SCML4: variants seen among roughly 807,000 people sequenced by gnomAD.
SCML4 encodes the protein sex comb on midleg-like protein 4.
Under a neutral mutation model 41.1 loss-of-function variants are expected in SCML4, and 34 were observed. That is an observed-to-expected ratio of 0.83 (90% CI 0.63 to 1.10). The LOEUF is 1.10. Ranked by LOEUF, SCML4 falls within the 50% of genes least tolerant of loss-of-function variation. SCML4 has a pLI of 0.00. For synonymous variants in SCML4, 214 were observed against 220.9 expected, an observed-to-expected ratio of 0.97 and a Z score of 0.28; for missense variants, 522 against 534.1, an observed-to-expected ratio of 0.98 and a Z score of 0.22.
chr6:107,782,731 T>A (rs1187180606), intron 1 of SCML4, among the ~76,000 whole-genome samples: 1 of 150,886 alleles, frequency 6.6e-6, no homozygotes, highest in South Asian at 2.1e-4. Context: ...CAGGTGCTGG[T>A]CTGAGTTTGC....
intron 1 of SCML4, among the ~76,000 whole-genome samples, chr6:107,779,890 T>C (rs1328293153): frequency 6.6e-6 from 1 of 152,230 alleles, no homozygotes; most frequent in Non-Finnish European, 1.5e-5. Context: ...CACTGGTCTC[T>C]CAACTCCTTT....
Position 107,756,662 on chromosome 6 carries a change from C to T in SCML4, c.157-6849G>A, listed in dbSNP as rs111714191. Among the ~76,000 whole-genome samples, 1,478 of 152,056 alleles carry T rather than the reference C, an allele frequency of 9.7e-3. 19 individuals carry two copies. Among genetic ancestry groups the T allele is most frequent in the African/African-American group, 0.033 (1,386 of 41,460 alleles). ...GGTTCACTAGTTGAGACAAACATAC[C>T]ACAGTAATATGAGATGTTAAAAATG... On this transcript the variant is annotated intron_variant, in intron 2 of 7. Coordinates refer to ENST00000369020, the MANE Select transcript of SCML4 (RefSeq NM_198081.5).
chr6:107,802,938 T>G (rs865829426), intron 1 of SCML4, among the ~76,000 whole-genome samples: 12 of 151,000 alleles, frequency 7.9e-5, no homozygotes, highest in East Asian at 2.0e-4. Flanking sequence ...TGGAGACGGG[T>G]TTTCGCTGTG....
intron 2 of SCML4, among the ~76,000 whole-genome samples, chr6:107,761,352 G>A (rs887545931): frequency 4.0e-5 from 6 of 151,566 alleles, no homozygotes; most frequent in African/African-American, 1.2e-4. Context: ...TAAAAATACA[G>A]ATTACTTTCC....
At chr6:107,763,835 T>C (rs754006823) in intron 2 of SCML4, among the ~76,000 whole-genome samples, 5 of 152,162 alleles carry the variant, frequency 3.3e-5, no homozygotes, top group Non-Finnish European at 7.4e-5. Flanking sequence ...CTTTAAATCC[T>C]CCAGAACGAT....
upstream of SCML4, among the ~76,000 whole-genome samples, chr6:107,825,302 G>C (rs1785208682): frequency 6.6e-6 from 1 of 152,146 alleles, no homozygotes; most frequent in Non-Finnish European, 1.5e-5. Flanking sequence ...ATTTAGCCGG[G>C]ACTAAATATC....
chr6:107,754,587 A>G (rs1418798561), intron 2 of SCML4, among the ~76,000 whole-genome samples: 2 of 152,244 alleles, frequency 1.3e-5, no homozygotes, highest in African/African-American at 2.4e-5. Flanking sequence ...TCACAAGCTT[A>G]AAGCCCTTAA....
At chr6:107,722,049 G>C (rs1057120936) in intron 5 of SCML4, among the ~76,000 whole-genome samples, 3 of 150,042 alleles carry the variant, frequency 2.0e-5, no homozygotes, top group African/African-American at 7.4e-5. Flanking sequence ...GAGTGCAGTG[G>C]TGCGATCTCG....
In SCML4 at chr6:107,772,183, G is replaced by A. The variant is rs1780574558; in HGVS notation, c.145C>T (p.Pro49Ser). The part of the protein sequence containing the change: ...VKIPKKRGRK[P>S]GYKIKSRVLM... ...TGATGGAGCCGTACCTTGTACCCGG[G>A]TTTCCGCCCTCTTTTCTTTGGGATC... Residue 49 changes from proline (P) to serine (S), a missense_variant, in exon 2 of 8, where the codon CCC becomes TCC. By Grantham distance (74) the Pro-to-Ser change is moderately conservative. Transcript: ENST00000369020. The A allele has an allele frequency of 1.3e-6, 2 of 1,550,392 alleles. No homozygotes were observed. The highest frequency in any genetic ancestry group is 1.2e-5 in the South Asian group (1 of 83,914).
intron 1 of SCML4, among the ~76,000 whole-genome samples, chr6:107,810,174 G>A (rs1352483963): frequency 6.6e-6 from 1 of 152,104 alleles, no homozygotes; most frequent in Non-Finnish European, 1.5e-5. Context: ...TGGCTATTAG[G>A]TAAGAAGTCC....
chr6:107,734,091 A>G (rs186249499), intron 5 of SCML4, among the ~76,000 whole-genome samples: 1 of 152,144 alleles, frequency 6.6e-6, no homozygotes, highest in Admixed American at 6.5e-5. Context: ...CTTTCAGAGG[A>G]TTCCTGGGGT....
the SCML4 span, among the ~76,000 whole-genome samples, chr6:107,845,352 C>T: frequency 0.011 from 1,733 of 152,298 alleles, 20 homozygotes; most frequent in Non-Finnish European, 0.013. Flanking sequence ...CCAGAGGCCC[C>T]GACCACCAGT....
intron 5 of SCML4, among the ~76,000 whole-genome samples, chr6:107,728,969 T>G (rs908723793): frequency 2.0e-5 from 3 of 152,192 alleles, no homozygotes; most frequent in African/African-American, 7.2e-5. Flanking sequence ...CACTTTTCTA[T>G]AGAGGGGTTC....
chr6:107,845,816 T>G, the SCML4 span, among the ~76,000 whole-genome samples: 1 of 152,196 alleles, frequency 6.6e-6, no homozygotes, highest in Non-Finnish European at 1.5e-5. Flanking sequence ...GGTATTACAT[T>G]TTTACCTCGT....
intron 2 of SCML4, among the ~76,000 whole-genome samples, chr6:107,764,957 G>T (rs1245197662): frequency 6.6e-6 from 1 of 152,090 alleles, no homozygotes; most frequent in Admixed American, 6.6e-5. Context: ...AGGCCTCCCT[G>T]GCCATGTGGA....
intron 2 of SCML4, among the ~76,000 whole-genome samples, chr6:107,756,405 C>T (rs1477504735): frequency 2.0e-5 from 3 of 152,148 alleles, no homozygotes; most frequent in Non-Finnish European, 4.4e-5. Context: ...ATTAGACAAA[C>T]TGAAATTGCA....
intron 5 of SCML4, among the ~76,000 whole-genome samples, chr6:107,725,751 TAATAA>T (rs1308363004): frequency 6.6e-6 from 1 of 152,142 alleles, no homozygotes; most frequent in African/African-American, 2.4e-5. Context: ...AGCAATAAAA[TAATAA>T]AATAAATTAG....
chr6:107,801,177 T>C lies in SCML4; in HGVS notation c.-60+22949A>G, dbSNP rs780288794. On this transcript the variant is annotated intron_variant, in intron 1 of 7. Transcript: ENST00000369020. ...GATTCCAGTCCCTTCTAGTAGCACA[T>C]GCTGTTATGTAAAGCCCAACCGATT... 3.9e-5 allele frequency among the ~76,000 whole-genome samples: 6 copies of C among 152,338 alleles called. No homozygotes were observed. The East Asian group carries it at 9.6e-4, about 24-fold the overall frequency.
In SCML4 at chr6:107,797,583, A is replaced by G. The variant is rs148058194; in HGVS notation, c.-59-25197T>C. On this transcript the variant is annotated intron_variant, in intron 1 of 7. Coordinates refer to ENST00000369020, the MANE Select transcript of SCML4 (RefSeq NM_198081.5). ...TCATATCGTTTGTGAATTAAAAATCATACTTCTTTGCAATCATTTTGCCTT... is the reference window on the plus strand; with the variant it reads ...TCATATCGTTTGTGAATTAAAAATCGTACTTCTTTGCAATCATTTTGCCTT... 5.6e-3 allele frequency among the ~76,000 whole-genome samples: 859 copies of G among 152,148 alleles called. 12 individuals carry two copies. The highest frequency in any genetic ancestry group is 0.019 in the African/African-American group (808 of 41,560).
Sources: gnomAD v4.1 joint callset for allele counts (sites outside exome capture counted in the v4.1 genomes callset) on GRCh38, gnomAD v4.1.1 for gene constraint, MANE v1.5 for transcripts, NCBI Gene and HGNC (gene_info 2026-07-23, HGNC 2026-07-21) for gene names.